The following CDH18 variants were observed in gnomAD, a reference collection of about 807,000 sequenced individuals.
The protein encoded by CDH18 is cadherin 18.
CDH18 carries 31 observed loss-of-function variants against 67.9 expected under a neutral mutation model. The ratio of observed to expected loss-of-function variants is 0.46; its 90% CI spans 0.34 to 0.62. CDH18 has a LOEUF of 0.62. Ranked by LOEUF, CDH18 falls within the 20% of genes least tolerant of loss-of-function variation. The pLI, the probability that CDH18 is intolerant of heterozygous loss-of-function variation, is 0.01. For synonymous variants in CDH18, 362 were observed against 347.2 expected, an observed-to-expected ratio of 1.04 and a Z score of -0.48; for missense variants, 890 against 975.5, an observed-to-expected ratio of 0.91 and a Z score of 1.17.
chr5:20,342,328 G>T (rs935787321), intron 1 of CDH18, among the ~76,000 whole-genome samples: 1 of 152,020 alleles, frequency 6.6e-6, no homozygotes, highest in African/African-American at 2.4e-5. Flanking sequence ...CCCCAGTAAT[G>T]GCAATACCCC....
intron 1 of CDH18, among the ~76,000 whole-genome samples, chr5:20,351,186 G>GTC (rs1211045881): frequency 2.8e-5 from 4 of 143,160 alleles, no homozygotes; most frequent in Non-Finnish European, 3.1e-5. Context: ...GTGTGTGTGT[G>GTC]TGTGTGCGTG....
intron 2 of CDH18, among the ~76,000 whole-genome samples, chr5:20,243,982 T>G (rs1743183901): frequency 6.6e-6 from 1 of 152,132 alleles, no homozygotes. Flanking sequence ...CTCAGACCTC[T>G]GGACTTTCAG....
chr5:19,954,788 C>T (rs898497273), intron 2 of CDH18, among the ~76,000 whole-genome samples: 5 of 151,546 alleles, frequency 3.3e-5, no homozygotes, highest in African/African-American at 1.2e-4. Flanking sequence ...CATTCACAAA[C>T]ATACATTTCA....
At chr5:20,330,928 C>A (rs1268790693) in intron 1 of CDH18, among the ~76,000 whole-genome samples, 1 of 152,130 alleles carries the variant, frequency 6.6e-6, no homozygotes, top group Non-Finnish European at 1.5e-5. Context: ...GCCTTATGTC[C>A]CCCAAACAAA....
intron 7 of CDH18, among the ~76,000 whole-genome samples, chr5:19,581,341 A>G (rs1479126981): frequency 1.3e-5 from 2 of 151,974 alleles, no homozygotes; most frequent in Non-Finnish European, 2.9e-5. Context: ...TCCATTTCAT[A>G]TTACTATAGT....
At chr5:20,500,024 T>C (rs1014041443) in intron 1 of CDH18, among the ~76,000 whole-genome samples, 1 of 152,164 alleles carries the variant, frequency 6.6e-6, no homozygotes, top group Non-Finnish European at 1.5e-5. Flanking sequence ...CAGACCATTG[T>C]AGATATATAG....
chr5:20,348,672 G>A (rs1034331393), intron 1 of CDH18, among the ~76,000 whole-genome samples: 1 of 152,068 alleles, frequency 6.6e-6, no homozygotes, highest in East Asian at 1.9e-4. Flanking sequence ...TACAAGACAG[G>A]GAAAAGCACA....
At chr5:20,524,714 A>G (rs1755944659) in intron 1 of CDH18, among the ~76,000 whole-genome samples, 1 of 152,304 alleles carries the variant, frequency 6.6e-6, no homozygotes, top group Admixed American at 6.5e-5. Flanking sequence ...TACTAGGTGT[A>G]GAAATAGGTA....
chr5:19,945,771 C>T (rs1795226038), intron 2 of CDH18, among the ~76,000 whole-genome samples: 1 of 151,966 alleles, frequency 6.6e-6, no homozygotes, highest in African/African-American at 2.4e-5. Context: ...AATGATAGTG[C>T]ATAGAATCAG....
At chr5:20,078,231 G>A (rs1209786333) in intron 2 of CDH18, among the ~76,000 whole-genome samples, 4 of 152,150 alleles carry the variant, frequency 2.6e-5, no homozygotes, top group African/African-American at 9.6e-5. Flanking sequence ...GGAGGCCGAG[G>A]CAGGCAGATT....
In CDH18 at chr5:19,571,646, C is replaced by T. The variant is rs774775003; in HGVS notation, c.1186G>A (p.Ala396Thr). ...PSYLMEVYEN[A>T]KIGTVVGTVL... ...GTACCAACGACGGTCCCAATCTTGG[C>T]ATTTTCGTAGACTTCCATGAGGTAG... is the stretch of plus-strand genomic sequence containing the variant. The change falls in exon 8 of 13, where the codon GCC becomes ACC. Residue 396 changes from alanine (A) to threonine (T), a missense_variant. By Grantham distance (58) the Ala-to-Thr change is moderately conservative. Coordinates refer to ENST00000382275, the MANE Select transcript of CDH18 (RefSeq NM_004934.5). 2.5e-6 allele frequency: 4 copies of T among 1,613,936 alleles called. No homozygotes were observed.
chr5:20,031,803 T>A (rs968885499), intron 2 of CDH18, among the ~76,000 whole-genome samples: 5 of 152,076 alleles, frequency 3.3e-5, no homozygotes, highest in African/African-American at 1.2e-4. Context: ...ACAGAAGCAA[T>A]TGACACTTAA....
At chr5:19,924,972 CCA>C (rs1193383024) in intron 2 of CDH18, among the ~76,000 whole-genome samples, 9 of 152,154 alleles carry the variant, frequency 5.9e-5, no homozygotes, top group African/African-American at 2.2e-4. Flanking sequence ...CATCAAATTT[CCA>C]CATATAACTT....
intron 1 of CDH18, among the ~76,000 whole-genome samples, chr5:20,386,746 G>A (rs1485984323): frequency 6.6e-6 from 1 of 151,990 alleles, no homozygotes; most frequent in African/African-American, 2.4e-5. Flanking sequence ...AAACTCATAT[G>A]AGTCTTCTTT....
intron 11 of CDH18, among the ~76,000 whole-genome samples, chr5:19,493,594 T>C (rs1741833191): frequency 6.6e-6 from 1 of 151,746 alleles, no homozygotes; most frequent in Non-Finnish European, 1.5e-5. Context: ...CATTTTGAAT[T>C]AGGTCCAATA....
chr5:20,227,936 A>C (rs1371162499), intron 2 of CDH18, among the ~76,000 whole-genome samples: 1 of 152,094 alleles, frequency 6.6e-6, no homozygotes, highest in Non-Finnish European at 1.5e-5. Context: ...TCCATTCCTC[A>C]ACCTATTACA....
chr5:20,510,051 T>C (rs1422802997), intron 1 of CDH18, among the ~76,000 whole-genome samples: 1 of 152,150 alleles, frequency 6.6e-6, no homozygotes, highest in East Asian at 1.9e-4. Flanking sequence ...TCATCAACAT[T>C]TGTTATCTTT....
At chr5:19,763,642 T>TA (rs1772663030) in intron 3 of CDH18, among the ~76,000 whole-genome samples, 1 of 152,086 alleles carries the variant, frequency 6.6e-6, no homozygotes, top group Non-Finnish European at 1.5e-5. Flanking sequence ...CTTATGAACT[T>TA]AGAGAACATT....
intron 1 of CDH18, among the ~76,000 whole-genome samples, chr5:20,385,779 T>G (rs569341102): frequency 6.6e-6 from 1 of 152,222 alleles, no homozygotes; most frequent in Admixed American, 6.5e-5. Context: ...ATATAAACAT[T>G]GCACAAATAT....
Sources: gnomAD v4.1 joint callset for allele counts (sites outside exome capture counted in the v4.1 genomes callset) on GRCh38, gnomAD v4.1.1 for gene constraint, MANE v1.5 for transcripts, NCBI Gene and HGNC (gene_info 2026-07-23, HGNC 2026-07-21) for gene names.